Variants in ARHGAP26 observed in about 807,000 individuals in gnomAD.
ARHGAP26 encodes the protein Rho GTPase activating protein 26, also known as rho GTPase-activating protein 26.
A neutral mutation model predicts 104.8 loss-of-function variants in ARHGAP26; 38 were observed. The observed-to-expected ratio is 0.36, with a 90% CI of 0.28 to 0.48. ARHGAP26 has a LOEUF of 0.48. ARHGAP26 is among the 20% of genes least tolerant of loss of function. The probability of loss-of-function intolerance (pLI) is 0.99; values close to 1 mark genes in which losing one functional copy is unlikely to be tolerated. For missense variants in ARHGAP26, 704 were observed against 947.9 expected, an observed-to-expected ratio of 0.74 and a Z score of 3.38; for synonymous variants, 341 against 340.0, an observed-to-expected ratio of 1.00 and a Z score of -0.03.
chr5:143,003,797 AC>A (rs1777526039), intron 11 of ARHGAP26, among the ~76,000 whole-genome samples: 1 of 152,190 alleles, frequency 6.6e-6, no homozygotes, highest in African/African-American at 2.4e-5. Context: ...ACTTAGCTCT[AC>A]TTTGCAATGA....
chr5:143,199,097 G>A (rs949481301), intron 20 of ARHGAP26, among the ~76,000 whole-genome samples: 10 of 152,244 alleles, frequency 6.6e-5, no homozygotes, highest in South Asian at 4.1e-4. Flanking sequence ...ATAAGAAACC[G>A]AACTCTGTCA....
At chr5:142,952,793 T>C (rs985345946) in intron 11 of ARHGAP26, among the ~76,000 whole-genome samples, 1 of 152,116 alleles carries the variant, frequency 6.6e-6, no homozygotes, top group Non-Finnish European at 1.5e-5. Flanking sequence ...CACTGCAACC[T>C]CCGCCTCCCG....
intron 14 of ARHGAP26, 72 bp downstream of exon 14, chr5:143,041,962 TG>T: frequency 7.6e-7 from 1 of 1,312,678 alleles, no homozygotes; most frequent in South Asian, 1.3e-5. Flanking sequence ...ACCAGGTCTG[TG>T]AGTAGATACA....
At chr5:143,134,521 TC>T (rs1797709107) in intron 19 of ARHGAP26, among the ~76,000 whole-genome samples, 1 of 152,208 alleles carries the variant, frequency 6.6e-6, no homozygotes, top group South Asian at 2.1e-4. Flanking sequence ...AGAATGTGAC[TC>T]TGTGAGGGTG....
intron 17 of ARHGAP26, among the ~76,000 whole-genome samples, chr5:143,074,015 G>A (rs1446944828): frequency 2.6e-5 from 4 of 152,162 alleles, no homozygotes; most frequent in Non-Finnish European, 4.4e-5. Context: ...ATTTTTACTG[G>A]AGAGTAGGCA....
chr5:142,965,796 T>G (rs1771226721), intron 11 of ARHGAP26, among the ~76,000 whole-genome samples: 1 of 152,186 alleles, frequency 6.6e-6, no homozygotes, highest in Non-Finnish European at 1.5e-5. Flanking sequence ...GTGCCATACT[T>G]GGGCAATCCA....
At chr5:142,989,374 C>T (rs758099757) in intron 11 of ARHGAP26, among the ~76,000 whole-genome samples, 2 of 152,028 alleles carry the variant, frequency 1.3e-5, no homozygotes, top group Non-Finnish European at 2.9e-5. Context: ...TTATTTTGAG[C>T]CTATGTGATG....
chr5:142,901,027 G>A (rs1158327508), intron 6 of ARHGAP26, among the ~76,000 whole-genome samples: 1 of 152,210 alleles, frequency 6.6e-6, no homozygotes, highest in African/African-American at 2.4e-5. Context: ...GTTTAGAACT[G>A]AGGGAAGATG....
chr5:143,201,233 A>T (rs988498293), intron 20 of ARHGAP26, among the ~76,000 whole-genome samples: 5 of 152,148 alleles, frequency 3.3e-5, no homozygotes, highest in Non-Finnish European at 7.4e-5. Context: ...CATTGGGCCT[A>T]GATGTGGGGG....
At chr5:143,155,468 T>G (rs528315531) in intron 20 of ARHGAP26, among the ~76,000 whole-genome samples, 1 of 152,360 alleles carries the variant, frequency 6.6e-6, no homozygotes, top group East Asian at 1.9e-4. Flanking sequence ...ATTCCTGCCT[T>G]CATCCAATTT....
intron 1 of ARHGAP26, among the ~76,000 whole-genome samples, chr5:142,799,274 C>G (rs898402377): frequency 1.3e-5 from 2 of 151,982 alleles, no homozygotes; most frequent in East Asian, 1.9e-4. Context: ...TTCTTACATT[C>G]GTTACAACTC....
At chr5:143,187,655 C>T (rs1367100523) in intron 20 of ARHGAP26, among the ~76,000 whole-genome samples, 3 of 152,220 alleles carry the variant, frequency 2.0e-5, no homozygotes, top group African/African-American at 7.2e-5. Flanking sequence ...TGCCTGAGGT[C>T]AGGCGGAGCA....
At chr5:142,812,366 C>CT (rs938925012) in intron 1 of ARHGAP26, among the ~76,000 whole-genome samples, 1,691 of 146,342 alleles carry the variant, frequency 0.012, 18 homozygotes, top group African/African-American at 0.035. Context: ...CAATCTTCCT[C>CT]TTTTTTTTTT....
chr5:143,032,933 A>C (rs1305534111), intron 12 of ARHGAP26, among the ~76,000 whole-genome samples: 1 of 152,170 alleles, frequency 6.6e-6, no homozygotes, highest in Non-Finnish European at 1.5e-5. Context: ...TCCAGTTTAG[A>C]GGTTTAGAGC....
intron 10 of ARHGAP26, chr5:142,921,476 A>G (rs1213982938): frequency 6.0e-6 from 1 of 167,070 alleles, no homozygotes; most frequent in Non-Finnish European, 1.5e-5. Context: ...GTTAGTTGCT[A>G]TTTAAACTAA....
In ARHGAP26 at chr5:142,770,663, C is replaced by G. The variant is rs1446465721; in HGVS notation, c.-99C>G. On this transcript the variant is annotated 5_prime_UTR_variant, in exon 1 of 23. Coordinates refer to ENST00000645722, the MANE Select transcript of ARHGAP26 (RefSeq NM_001135608.3). The stretch of plus-strand genomic sequence containing the variant: ...CCACACCTGTGGAGCCGGCGGCCGT[C>G]GGGGGAGCCGGCCGGGGTCCCGCCG... 1.1e-6 allele frequency: 1 copy of G among 920,258 alleles called. No homozygotes were observed. The highest frequency in any genetic ancestry group is 7.8e-5 in the East Asian group (1 of 12,750). The allele number at this position is 920,258 out of a possible 1,614,324, so 57.0% of individuals were successfully genotyped here.
intron 1 of ARHGAP26, among the ~76,000 whole-genome samples, chr5:142,788,996 A>C (rs62383267): frequency 2.0e-5 from 3 of 152,250 alleles, no homozygotes; most frequent in Non-Finnish European, 4.4e-5. Flanking sequence ...TGTCTTAGAC[A>C]ACTAAAAAGT....
chr5:142,844,326 C>T (rs1031867915), intron 1 of ARHGAP26, among the ~76,000 whole-genome samples: 1 of 151,890 alleles, frequency 6.6e-6, no homozygotes, highest in South Asian at 2.1e-4. Flanking sequence ...GCTGGGATTA[C>T]AGGTGTGAGC....
chr5:142,807,457 T>G (rs1221666553), intron 1 of ARHGAP26, among the ~76,000 whole-genome samples: 1 of 152,190 alleles, frequency 6.6e-6, no homozygotes, highest in East Asian at 1.9e-4. Context: ...AGTTCAGCTG[T>G]GCTGCTGAGG....
Sources: allele counts gnomAD v4.1 joint callset (sites outside exome capture counted in the v4.1 genomes callset), GRCh38; gene constraint gnomAD v4.1.1; transcripts MANE v1.5; gene names NCBI Gene and HGNC (gene_info 2026-07-23, HGNC 2026-07-21).